Variants in UNC5C observed in about 807,000 individuals in gnomAD.
UNC5C encodes the protein unc-5 netrin receptor C, also known as netrin receptor UNC5C.
UNC5C carries 47 observed loss-of-function variants against 99.8 expected under a neutral mutation model. That is an observed-to-expected ratio of 0.47 (90% confidence interval 0.37 to 0.60). UNC5C has a LOEUF of 0.60. UNC5C is among the 20% of genes least tolerant of loss of function. UNC5C has a pLI of 0.00. For synonymous variants in UNC5C, 487 were observed against 452.2 expected, an observed-to-expected ratio of 1.08 and a Z score of -0.98; for missense variants, 1,062 against 1,165.9, an observed-to-expected ratio of 0.91 and a Z score of 1.30.
At chr4:95,416,804 G>A (rs1200654458) in intron 1 of UNC5C, among the ~76,000 whole-genome samples, 3 of 152,108 alleles carry the variant, frequency 2.0e-5, no homozygotes, top group African/African-American at 2.4e-5. Context: ...ATTTAATAGC[G>A]TGTGCAATGT....
intron 3 of UNC5C, among the ~76,000 whole-genome samples, chr4:95,284,219 C>CA (rs1051813646): frequency 4.6e-5 from 7 of 151,646 alleles, no homozygotes; most frequent in Admixed American, 6.6e-5. Context: ...TGCTTTTTGA[C>CA]AAAAAAATGC....
At chr4:95,456,087 A>G (rs1747418584) in intron 1 of UNC5C, among the ~76,000 whole-genome samples, 1 of 152,078 alleles carries the variant, frequency 6.6e-6, no homozygotes, top group African/African-American at 2.4e-5. Flanking sequence ...CACACAGCTC[A>G]TTATATTGCT....
intron 7 of UNC5C, among the ~76,000 whole-genome samples, chr4:95,221,314 G>C (rs1477951547): frequency 6.6e-6 from 1 of 152,068 alleles, no homozygotes; most frequent in East Asian, 1.9e-4. Context: ...AGAATTTTAT[G>C]GTCAATTTTA....
Position 95,250,532 on chromosome 4 carries a change from T to G in UNC5C, c.730A>C (p.Ile244Leu). The change falls in exon 5 of 16, where the codon ATT becomes CTT. Residue 244 changes from isoleucine to leucine, a missense_variant. By Grantham distance (5) the Ile-to-Leu change is conservative (BLOSUM62 2). Around this residue, in one of 3 missense-constraint regions of UNC5C, gnomAD observed 3 missense variants for 16.3 expected, o/e 0.18. Transcript: ENST00000453304. ...TANYTCVAKN[I>L]VAKRKSTTAT... ...GTTGTACTTTTCCTCTTGGCAACAA[T>G]GTTTTTGGCAACACAGGTGTAATTT... The G allele has an allele frequency of 6.2e-7, 1 of 1,613,990 alleles. No homozygotes were observed.
At chr4:95,293,021 A>G (rs1741535901) in intron 3 of UNC5C, among the ~76,000 whole-genome samples, 1 of 152,178 alleles carries the variant, frequency 6.6e-6, no homozygotes, top group South Asian at 2.1e-4. Context: ...AGGATTAGGC[A>G]AGTGACAGGG....
chr4:95,339,867 C>A (rs183889079), intron 1 of UNC5C, among the ~76,000 whole-genome samples: 1 of 150,924 alleles, frequency 6.6e-6, no homozygotes, highest in African/African-American at 2.5e-5. Context: ...ACATTGAATT[C>A]AGTATTAACT....
At chr4:95,221,143 C>G (rs1424986041) in intron 7 of UNC5C, among the ~76,000 whole-genome samples, 1 of 152,122 alleles carries the variant, frequency 6.6e-6, no homozygotes, top group African/African-American at 2.4e-5. Context: ...TTAAAACAAA[C>G]AAATGAAATG....
chr4:95,404,661 G>A (rs1745786402), intron 1 of UNC5C, among the ~76,000 whole-genome samples: 1 of 152,062 alleles, frequency 6.6e-6, no homozygotes, highest in Admixed American at 6.5e-5. Context: ...GATACAAGAG[G>A]GTGGTTCTCT....
intron 1 of UNC5C, among the ~76,000 whole-genome samples, chr4:95,520,723 C>T (rs749940742): frequency 4.0e-5 from 6 of 151,594 alleles, no homozygotes; most frequent in Non-Finnish European, 5.9e-5. Context: ...CTCAGCCTCC[C>T]GAGTAGCTGG....
intron 1 of UNC5C, among the ~76,000 whole-genome samples, chr4:95,424,905 A>T (rs1467081343): frequency 6.6e-6 from 1 of 151,838 alleles, no homozygotes; most frequent in East Asian, 1.9e-4. Context: ...AAACCCAGAC[A>T]CTTTTACCCA....
intron 7 of UNC5C, among the ~76,000 whole-genome samples, chr4:95,223,802 A>G (rs113014585): frequency 6.6e-6 from 1 of 152,354 alleles, no homozygotes; most frequent in Non-Finnish European, 1.5e-5. Flanking sequence ...TTCAAAACCC[A>G]AAGACTTAAC....
chr4:95,408,534 C>T (rs1560822166), intron 1 of UNC5C, among the ~76,000 whole-genome samples: 2 of 152,144 alleles, frequency 1.3e-5, no homozygotes, highest in African/African-American at 4.8e-5. Context: ...ATCTTCCTCT[C>T]TCAATAGTAA....
intron 1 of UNC5C, among the ~76,000 whole-genome samples, chr4:95,460,245 TC>T (rs1388286733): frequency 6.6e-6 from 1 of 150,392 alleles, no homozygotes; most frequent in Non-Finnish European, 1.5e-5. Flanking sequence ...ACTTGAATTT[TC>T]AAGAAGTCTA....
chr4:95,204,899 T>C (rs992385842), intron 11 of UNC5C, among the ~76,000 whole-genome samples: 2 of 152,242 alleles, frequency 1.3e-5, no homozygotes, highest in African/African-American at 4.8e-5. Flanking sequence ...GAGCTGTGTT[T>C]TAATAGCATC....
intron 1 of UNC5C, among the ~76,000 whole-genome samples, chr4:95,386,282 T>C (rs1221739720): frequency 6.6e-6 from 1 of 152,150 alleles, no homozygotes; most frequent in Non-Finnish European, 1.5e-5. Context: ...GTTAGTTACT[T>C]ATGTATACAT....
chr4:95,325,296 G>A (rs1204901547), intron 2 of UNC5C, among the ~76,000 whole-genome samples: 1 of 152,230 alleles, frequency 6.6e-6, no homozygotes, highest in Non-Finnish European at 1.5e-5. Flanking sequence ...TGTTTTTTAG[G>A]CCTATAACTA....
intron 1 of UNC5C, among the ~76,000 whole-genome samples, chr4:95,416,158 T>C (rs1271935994): frequency 6.6e-6 from 1 of 152,106 alleles, no homozygotes; most frequent in Non-Finnish European, 1.5e-5. Context: ...GGAAGAACCT[T>C]TAAGTGCTTA....
intron 1 of UNC5C, among the ~76,000 whole-genome samples, chr4:95,544,602 C>A (rs1043808055): frequency 1.3e-5 from 2 of 152,138 alleles, no homozygotes; most frequent in African/African-American, 4.8e-5. Flanking sequence ...GGTTACATTC[C>A]GTTTCTAACA....
intron 1 of UNC5C, among the ~76,000 whole-genome samples, chr4:95,375,905 G>A (rs189221436): frequency 1.7e-4 from 26 of 152,078 alleles, no homozygotes; most frequent in Admixed American, 6.6e-5. Flanking sequence ...GTGAAACCCC[G>A]TCTCTACTAA....
Sources: allele counts gnomAD v4.1 joint callset (sites outside exome capture counted in the v4.1 genomes callset), GRCh38; gene constraint gnomAD v4.1.1; regional missense constraint gnomAD v4.1.1; transcripts MANE v1.5; gene names NCBI Gene and HGNC (gene_info 2026-07-23, HGNC 2026-07-21).